The following AGXT2 variants were observed in gnomAD, a reference collection of about 807,000 sequenced individuals.
AGXT2 encodes the protein alanine--glyoxylate aminotransferase 2.
In AGXT2, 61 loss-of-function variants were observed where a neutral mutation model predicts 62.5. That is an observed-to-expected ratio of 0.98 (90% CI 0.79 to 1.21). The LOEUF (loss-of-function observed/expected upper bound fraction) is 1.21. Among genes scored for constraint, AGXT2 ranks in the 50% most tolerant of loss-of-function variants. The probability of loss-of-function intolerance (pLI) is 0.00; values close to 1 mark genes in which losing one functional copy is unlikely to be tolerated. For synonymous variants in AGXT2, 243 were observed against 218.7 expected, an observed-to-expected ratio of 1.11 and a Z score of -0.98; for missense variants, 666 against 641.5, an observed-to-expected ratio of 1.04 and a Z score of -0.41.
intron 9 of AGXT2, among the ~76,000 whole-genome samples, chr5:35,015,843 C>T (rs1424160185): frequency 2.7e-5 from 3 of 111,758 alleles, no homozygotes; most frequent in East Asian, 2.6e-4. Context: ...GAGTGAGACT[C>T]CATCTCAAAA....
rs192468496 is a variant in AGXT2 at position 35,013,979 on chromosome 5, G to A, written c.1096+8C>T. 6.2e-7 allele frequency: 1 copy of A among 1,613,862 alleles called. No homozygotes were observed. Among genetic ancestry groups the A allele is most frequent in the African/African-American group, 1.3e-5 (1 of 74,984 alleles). On this transcript the variant is annotated splice_region_variant and intron_variant, in intron 10 of 13. Transcript: ENST00000231420. Reference sequence around the variant, plus strand: ...CAGAAGCAAACACAAACTGCCTGTGGGTCCTACCTGGAGTGGTTATGACTG... The same window carrying A: ...CAGAAGCAAACACAAACTGCCTGTGAGTCCTACCTGGAGTGGTTATGACTG...
chr5:35,022,190 G>C (rs1325710270), intron 9 of AGXT2, among the ~76,000 whole-genome samples: 1 of 152,160 alleles, frequency 6.6e-6, no homozygotes, highest in African/African-American at 2.4e-5. Flanking sequence ...TCTAGAACTA[G>C]AAATACCATT....
At chr5:35,012,320 C>T (rs186937) in intron 11 of AGXT2, 96,101 of 152,358 alleles carry the variant, frequency 0.63, 30,487 homozygotes, top group South Asian at 0.72. Flanking sequence ...GCAGAATGAC[C>T]CTTGTTGACC....
chr5:35,035,812 C>T (rs1263535028), intron 4 of AGXT2, among the ~76,000 whole-genome samples: 1 of 152,196 alleles, frequency 6.6e-6, no homozygotes, highest in Admixed American at 6.5e-5. Context: ...TGCGGTGGCT[C>T]ACGCCTGTAA....
At chr5:35,005,582 G>A (rs1416643261) in intron 12 of AGXT2, among the ~76,000 whole-genome samples, 2 of 151,582 alleles carry the variant, frequency 1.3e-5, no homozygotes, top group Non-Finnish European at 2.9e-5. Flanking sequence ...CCTTGCTCTG[G>A]GCCAGCACCC....
intron 5 of AGXT2, 114 bp downstream of exon 5, chr5:35,035,108 G>T: frequency 1.1e-6 from 1 of 947,850 alleles, no homozygotes; most frequent in Non-Finnish European, 1.7e-6. Context: ...TTAACAACTA[G>T]AAAAATATCC....
chr5:35,029,794 T>C (rs344506), intron 7 of AGXT2, among the ~76,000 whole-genome samples: 147,209 of 152,294 alleles, frequency 0.97, 71,316 homozygotes, highest in Non-Finnish European at 1. Flanking sequence ...TGGATTACAC[T>C]TGAAACTCAG....
At chr5:35,000,659 G>A (rs1400182478) in intron 13 of AGXT2, among the ~76,000 whole-genome samples, 1 of 152,204 alleles carries the variant, frequency 6.6e-6, no homozygotes, top group African/African-American at 2.4e-5. Context: ...GGGATCACAG[G>A]CGTGAGCCAC....
intron 11 of AGXT2, chr5:35,012,538 G>C: frequency 4.2e-6 from 1 of 240,330 alleles, no homozygotes; most frequent in Non-Finnish European, 8.2e-6. Flanking sequence ...CTTGCTGTAA[G>C]CACGTAGAAC....
At chr5:35,010,525 A>C (rs568943302) in intron 11 of AGXT2, among the ~76,000 whole-genome samples, 15 of 152,160 alleles carry the variant, frequency 9.9e-5, no homozygotes, top group African/African-American at 3.6e-4. Flanking sequence ...TTTAAAAAAA[A>C]AATACAAAAA....
Position 35,009,899 on chromosome 5 carries a change from T to A in AGXT2, c.1338+101A>T. On this transcript the variant is annotated intron_variant, in intron 12 of 13. Coordinates refer to ENST00000231420, the MANE Select transcript of AGXT2 (RefSeq NM_031900.4). ...CTTTGCTGAAATCTTGCTGTTTGTG[T>A]CTGCTCTCTCCTTGAGAGTAAATGA... is the stretch of plus-strand genomic sequence containing the variant. 3 of 1,515,558 alleles carry A rather than the reference T, an allele frequency of 2.0e-6. No individual in the cohort carries two copies. The South Asian group carries it at 3.4e-5, about 17-fold the overall frequency. 93.9% of individuals were successfully genotyped at this position (1,515,558 alleles called of 1,614,324 possible).
At chr5:35,008,395 ACTC>A (rs1205148998) in intron 12 of AGXT2, among the ~76,000 whole-genome samples, 2 of 151,960 alleles carry the variant, frequency 1.3e-5, no homozygotes, top group Non-Finnish European at 2.9e-5. Flanking sequence ...AAAAGGAAGA[ACTC>A]CTCCTCTCTC....
chr5:35,019,487 C>T (rs1380952493), intron 9 of AGXT2, among the ~76,000 whole-genome samples: 12 of 151,592 alleles, frequency 7.9e-5, no homozygotes, highest in African/African-American at 1.5e-4. Flanking sequence ...GGGTACATAA[C>T]GAAATGAAGG....
chr5:35,045,888 C>T (rs542503356), intron 1 of AGXT2, among the ~76,000 whole-genome samples: 8 of 151,712 alleles, frequency 5.3e-5, no homozygotes, highest in South Asian at 2.1e-4. Context: ...CTGCCTCAGC[C>T]TCCTGAGTAG....
At chr5:35,046,019 A>G (rs979296931) in intron 1 of AGXT2, among the ~76,000 whole-genome samples, 2 of 151,968 alleles carry the variant, frequency 1.3e-5, no homozygotes, top group African/African-American at 4.8e-5. Context: ...CGCCCGCCTC[A>G]GCCTCACAAA....
chr5:35,019,985 A>C (rs1767004166), intron 9 of AGXT2, among the ~76,000 whole-genome samples: 1 of 152,228 alleles, frequency 6.6e-6, no homozygotes, highest in East Asian at 1.9e-4. Flanking sequence ...GAAATGGATA[A>C]ATTCCTCAAC....
intron 7 of AGXT2, chr5:35,026,934 G>C: frequency 1.0e-6 from 1 of 984,798 alleles, no homozygotes; most frequent in South Asian, 4.7e-5. Flanking sequence ...CATTTAATCT[G>C]ATGTACCGTT....
chr5:35,029,871 A>G (rs561215135), intron 7 of AGXT2, among the ~76,000 whole-genome samples: 1 of 152,264 alleles, frequency 6.6e-6, no homozygotes, highest in South Asian at 2.1e-4. Context: ...TAAATATACC[A>G]TATAAACATC....
chr5:35,011,458 TAAA>T (rs11358241), intron 11 of AGXT2, among the ~76,000 whole-genome samples: 10 of 119,772 alleles, frequency 8.3e-5, no homozygotes, highest in Middle Eastern at 4.3e-3. Flanking sequence ...AGACTCTTTC[TAAA>T]AAAAAAAAAA....
Sources: gnomAD v4.1 joint callset for allele counts (sites outside exome capture counted in the v4.1 genomes callset) on GRCh38, gnomAD v4.1.1 for gene constraint, MANE v1.5 for transcripts, NCBI Gene and HGNC (gene_info 2026-07-23, HGNC 2026-07-21) for gene names.